Variants in MAST4 observed in about 807,000 individuals in gnomAD.
The protein encoded by MAST4 is microtubule-associated serine/threonine-protein kinase 4.
Under a neutral mutation model 162.7 loss-of-function variants are expected in MAST4, and 89 were observed. The ratio of observed to expected loss-of-function variants is 0.55; its 90% CI spans 0.46 to 0.65. The LOEUF (loss-of-function observed/expected upper bound fraction) is 0.65. Among genes scored for constraint, MAST4 ranks in the 30% least tolerant of loss-of-function variants. The probability of loss-of-function intolerance (pLI) is 0.00; values close to 1 mark genes in which losing one functional copy is unlikely to be tolerated. For missense variants in MAST4, 3,153 were observed against 3,374.0 expected, an observed-to-expected ratio of 0.93 and a Z score of 1.62; for synonymous variants, 1,479 against 1,361.1, an observed-to-expected ratio of 1.09 and a Z score of -1.91.
intron 3 of MAST4, chr5:66,870,815 G>A (rs777532527): frequency 3.8e-5 from 18 of 471,360 alleles, no homozygotes; most frequent in South Asian, 1.1e-4. Flanking sequence ...AACTCAGCCC[G>A]ACATCGCCAG....
At chr5:66,917,621 A>G (rs1764206291) in intron 4 of MAST4, among the ~76,000 whole-genome samples, 1 of 147,074 alleles carries the variant, frequency 6.8e-6, no homozygotes, top group Non-Finnish European at 1.5e-5. Context: ...TAGATGGATG[A>G]CCAGTTACTT....
At chr5:67,131,466 A>G (rs184615087) in intron 15 of MAST4, among the ~76,000 whole-genome samples, 3 of 152,288 alleles carry the variant, frequency 2.0e-5, no homozygotes, top group Admixed American at 2.0e-4. Context: ...AGGCAGAGCT[A>G]GGATTTGGAC....
intron 3 of MAST4, among the ~76,000 whole-genome samples, chr5:66,845,085 T>TTG (rs1374904876): frequency 1.7e-5 from 1 of 57,972 alleles, no homozygotes; most frequent in Non-Finnish European, 3.0e-5. Context: ...TCACTAATCT[T>TTG]TATATATATA....
At chr5:67,000,367 G>A (rs775130686) in intron 4 of MAST4, among the ~76,000 whole-genome samples, 1 of 152,174 alleles carries the variant, frequency 6.6e-6, no homozygotes, top group Non-Finnish European at 1.5e-5. Context: ...AGAAAACTAA[G>A]TCTTTTCATA....
intron 4 of MAST4, among the ~76,000 whole-genome samples, chr5:67,033,380 C>G (rs1344734766): frequency 7.3e-6 from 1 of 136,400 alleles, no homozygotes; most frequent in Non-Finnish European, 1.6e-5. Context: ...AGATACTTCT[C>G]CTTTTTGAAG....
chr5:67,162,719 TC>T lies in MAST4; in HGVS notation c.3903del (p.Thr1302LeufsTer127). ...SLSSGESLPG[S>X]PTHSLSPRSP... ...GTCATCGGGTGAGAGCCTCCCAGGT[TC>T]CCCCACTCATAGCTTGTCTCCCCGG... On this transcript the variant is annotated frameshift_variant, in exon 28 of 29. Transcript: ENST00000403625. LOFTEE classifies it high-confidence loss of function. The T allele has an allele frequency of 6.2e-7, 1 of 1,613,580 alleles. No individual in the cohort carries two copies. The highest frequency in any genetic ancestry group is 8.5e-7 in the Non-Finnish European group (1 of 1,179,790).
chr5:67,128,765 TAACTAGTGGAA>T (rs1207374184), intron 14 of MAST4, among the ~76,000 whole-genome samples: 1 of 148,984 alleles, frequency 6.7e-6, no homozygotes, highest in Non-Finnish European at 1.5e-5. Flanking sequence ...GATGGCTAAG[TAACTAGTGGAA>T]AATCCATTTC....
At chr5:66,875,723 G>A (rs1192446474) in intron 3 of MAST4, among the ~76,000 whole-genome samples, 1 of 152,108 alleles carries the variant, frequency 6.6e-6, no homozygotes, top group Non-Finnish European at 1.5e-5. Flanking sequence ...TAAAATGTCT[G>A]CATTATTAAA....
intron 1 of MAST4, among the ~76,000 whole-genome samples, chr5:66,704,603 C>T (rs990159194): frequency 6.7e-6 from 1 of 149,664 alleles, no homozygotes; most frequent in Admixed American, 6.8e-5. Context: ...CGGGTTCACG[C>T]CATTCTCCCG....
chr5:66,674,620 C>T (rs561356834), intron 1 of MAST4, among the ~76,000 whole-genome samples: 2 of 152,262 alleles, frequency 1.3e-5, no homozygotes, highest in African/African-American at 4.8e-5. Context: ...AATTGCATCC[C>T]AGTGTCCTGA....
chr5:67,112,233 G>A (rs1006399084), intron 11 of MAST4, among the ~76,000 whole-genome samples: 15 of 152,056 alleles, frequency 9.9e-5, no homozygotes, highest in African/African-American at 3.6e-4. Context: ...TAAATCCATG[G>A]CATCCCTTTG....
intron 1 of MAST4, among the ~76,000 whole-genome samples, chr5:66,678,653 C>G (rs1242393769): frequency 6.6e-6 from 1 of 151,818 alleles, no homozygotes; most frequent in Non-Finnish European, 1.5e-5. Flanking sequence ...CGCCACCACA[C>G]TCAGCTAATT....
intron 2 of MAST4, among the ~76,000 whole-genome samples, chr5:66,785,483 C>A (rs1051403197): frequency 6.6e-6 from 1 of 152,150 alleles, no homozygotes; most frequent in East Asian, 1.9e-4. Context: ...TTGATTTTTG[C>A]CCATTTGTGT....
At chr5:66,700,515 C>T (rs1444641768) in intron 1 of MAST4, among the ~76,000 whole-genome samples, 1 of 151,918 alleles carries the variant, frequency 6.6e-6, no homozygotes, top group Non-Finnish European at 1.5e-5. Context: ...AACCCCACCT[C>T]TACTAAAAAT....
chr5:66,614,634 T>C (rs1387714890), intron 1 of MAST4, among the ~76,000 whole-genome samples: 1 of 152,204 alleles, frequency 6.6e-6, no homozygotes, highest in Non-Finnish European at 1.5e-5. Context: ...TAAGGGACTT[T>C]CAATTTTCTC....
At chr5:66,836,731 G>A (rs1757991012) in intron 3 of MAST4, among the ~76,000 whole-genome samples, 1 of 152,022 alleles carries the variant, frequency 6.6e-6, no homozygotes, top group Admixed American at 6.6e-5. Context: ...CTTTGAAATG[G>A]GAGCTAAACA....
At chr5:66,730,204 A>C (rs1348925354) in intron 1 of MAST4, among the ~76,000 whole-genome samples, 2 of 152,144 alleles carry the variant, frequency 1.3e-5, no homozygotes, top group African/African-American at 2.4e-5. Flanking sequence ...TTTACACATG[A>C]AGAAAACTCT....
intron 26 of MAST4, among the ~76,000 whole-genome samples, chr5:67,158,156 C>A (rs1198126168): frequency 3.9e-5 from 6 of 152,094 alleles, no homozygotes. Context: ...GAGAAGACCC[C>A]ACTCCAAAAA....
chr5:67,094,469 G>A (rs1278432749), intron 6 of MAST4, among the ~76,000 whole-genome samples: 7 of 152,080 alleles, frequency 4.6e-5, no homozygotes, highest in Non-Finnish European at 1.0e-4. Flanking sequence ...AATAACAAAC[G>A]TAATAACACG....
Sources: gnomAD v4.1 joint callset for allele counts (sites outside exome capture counted in the v4.1 genomes callset) on GRCh38, gnomAD v4.1.1 for gene constraint, MANE v1.5 for transcripts, NCBI Gene and HGNC (gene_info 2026-07-23, HGNC 2026-07-21) for gene names.